The following EYS variants were observed in gnomAD, a reference collection of about 807,000 sequenced individuals.
EYS encodes EGF-like photoreceptor maintenance factor, also known as protein eyes shut homolog.
In EYS, 250 loss-of-function variants were observed where a neutral mutation model predicts 282.1. The observed-to-expected ratio is 0.89, with a 90% CI of 0.80 to 0.98. The LOEUF (loss-of-function observed/expected upper bound fraction) is 0.98. EYS is among the 50% of genes least tolerant of loss of function. EYS has a pLI of 0.00. For missense variants in EYS, 4,016 were observed against 3,709.0 expected (o/e 1.08, Z -2.15); for synonymous variants, 1,355 against 1,282.9 (o/e 1.06, Z -1.20).
Position 64,629,320 on chromosome 6 carries a change from C to T in EYS, c.3444-3075G>A, listed in dbSNP as rs536153407. Among the ~76,000 whole-genome samples the T allele has an allele frequency of 5.3e-5, 8 of 152,056 alleles. No homozygotes were observed. The South Asian group carries it at 6.2e-4, about 12-fold the overall frequency. On this transcript the variant is annotated intron_variant, in intron 22 of 42. Transcript: ENST00000503581. The stretch of plus-strand genomic sequence containing the variant: ...GAGGGAAGTTGCTTTGCACATCCCA[C>T]GCTTAAGAGATGAGAAGTCATGCAC...
At chr6:64,345,128 A>G (rs1022099328) in intron 29 of EYS, among the ~76,000 whole-genome samples, 12 of 152,156 alleles carry the variant, frequency 7.9e-5, no homozygotes, top group Middle Eastern at 3.4e-3. Flanking sequence ...TACTGCCCAA[A>G]GTAATTTATA....
intron 31 of EYS, among the ~76,000 whole-genome samples, chr6:64,103,433 A>C (rs1393825092): frequency 6.6e-6 from 1 of 152,188 alleles, no homozygotes; most frequent in African/African-American, 2.4e-5. Flanking sequence ...TTAGTCAATT[A>C]ACTACTTCAG....
At chr6:65,671,781 G>C (rs1768398151) in intron 1 of EYS, among the ~76,000 whole-genome samples, 2 of 152,102 alleles carry the variant, frequency 1.3e-5, no homozygotes, top group South Asian at 4.1e-4. Flanking sequence ...TCAGAAATGT[G>C]CAATCAGAAG....
intron 2 of EYS, among the ~76,000 whole-genome samples, chr6:65,594,247 T>G (rs1366189968): frequency 6.6e-6 from 1 of 151,966 alleles, no homozygotes; most frequent in Non-Finnish European, 1.5e-5. Context: ...CCTCACAATA[T>G]CCCTGTGAGA....
chr6:65,025,237 C>A (rs779233424), intron 13 of EYS, among the ~76,000 whole-genome samples: 2 of 152,144 alleles, frequency 1.3e-5, no homozygotes, highest in Non-Finnish European at 2.9e-5. Flanking sequence ...GTTCTGACTT[C>A]CCTCAAATCC....
chr6:64,013,751 T>C (rs1370511258), intron 33 of EYS, among the ~76,000 whole-genome samples: 1 of 152,154 alleles, frequency 6.6e-6, no homozygotes, highest in Non-Finnish European at 1.5e-5. Flanking sequence ...AGTATTCACT[T>C]AGAACAAGGG....
At position 65,269,003 on chromosome 6, in the gene EYS, A is replaced by C. The variant is rs186428566; in HGVS notation, c.2023+26860T>G. On this transcript the variant is annotated intron_variant, in intron 12 of 42. Coordinates refer to ENST00000503581, the MANE Select transcript of EYS (RefSeq NM_001142800.2). ...ATATTACAAATATTTAAAGAATAAA[A>C]AAATGAAGGCAAATATTATCTCCAA... 5.3e-5 allele frequency among the ~76,000 whole-genome samples: 8 copies of C among 152,280 alleles called. No individual in the cohort carries two copies. In the East Asian group the frequency reaches 1.4e-3, roughly 26 times the overall value.
At chr6:64,338,881 G>A (rs557014734) in intron 29 of EYS, among the ~76,000 whole-genome samples, 3 of 151,986 alleles carry the variant, frequency 2.0e-5, no homozygotes, top group East Asian at 3.9e-4. Flanking sequence ...CATAAAGCAG[G>A]GAAAGGACAC....
At chr6:65,576,845 G>C (rs771492477) in intron 2 of EYS, among the ~76,000 whole-genome samples, 34 of 151,218 alleles carry the variant, frequency 2.2e-4, no homozygotes, top group Admixed American at 1.3e-3. Flanking sequence ...AAATACTTAG[G>C]AATAAATTTA....
chr6:65,454,719 A>G (rs1301130260), intron 5 of EYS, among the ~76,000 whole-genome samples: 1 of 151,970 alleles, frequency 6.6e-6, no homozygotes, highest in African/African-American at 2.4e-5. Context: ...ATTCTTCTTC[A>G]TGTAAATATC....
intron 2 of EYS, among the ~76,000 whole-genome samples, chr6:65,623,310 T>A (rs1766587861): frequency 6.6e-6 from 1 of 152,166 alleles, no homozygotes; most frequent in Non-Finnish European, 1.5e-5. Flanking sequence ...ATGAAAAACA[T>A]TTTGCATATA....
intron 2 of EYS, among the ~76,000 whole-genome samples, chr6:65,599,430 C>T (rs919990428): frequency 3.9e-5 from 6 of 152,008 alleles, no homozygotes; most frequent in Non-Finnish European, 7.4e-5. Context: ...TGTTCTTCAT[C>T]TTGCTATCCC....
chr6:64,982,039 C>A (rs1478454933), intron 14 of EYS, among the ~76,000 whole-genome samples: 1 of 151,458 alleles, frequency 6.6e-6, no homozygotes, highest in Non-Finnish European at 1.5e-5. Context: ...CAAGAGAAAT[C>A]AAGAGAAGAG....
chr6:63,902,767 A>G (rs933167096), intron 35 of EYS, among the ~76,000 whole-genome samples: 15 of 150,762 alleles, frequency 9.9e-5, no homozygotes, highest in Non-Finnish European at 2.1e-4. Flanking sequence ...ATAGTATGCT[A>G]AAAATATTGA....
intron 13 of EYS, among the ~76,000 whole-genome samples, chr6:65,024,081 C>G (rs75660421): frequency 6.6e-6 from 1 of 152,042 alleles, no homozygotes; most frequent in Non-Finnish European, 1.5e-5. Flanking sequence ...TTTGTCATCA[C>G]TTTTTACAAA....
intron 31 of EYS, among the ~76,000 whole-genome samples, chr6:64,094,853 C>T (rs1421892468): frequency 6.6e-6 from 1 of 152,046 alleles, no homozygotes; most frequent in Non-Finnish European, 1.5e-5. Flanking sequence ...GTTAGGGTGT[C>T]AATTTTAGAT....
Position 64,651,716 on chromosome 6 carries a change from C to G in EYS, c.3444-25471G>C, listed in dbSNP as rs573510750. ...AAAAAAAAATTCATAAAATACATATCAGAGAAAAGTTCAATATTGTTATAA... is the reference window on the plus strand; with the variant it reads ...AAAAAAAAATTCATAAAATACATATGAGAGAAAAGTTCAATATTGTTATAA... On this transcript the variant is annotated intron_variant, in intron 22 of 42. Transcript: ENST00000503581. 2.0e-5 allele frequency among the ~76,000 whole-genome samples: 3 copies of G among 152,100 alleles called. No homozygotes were observed. In the East Asian group the frequency reaches 5.8e-4, roughly 29 times the overall value.
intron 12 of EYS, among the ~76,000 whole-genome samples, chr6:65,258,340 C>G (rs1029655293): frequency 1.3e-5 from 2 of 151,866 alleles, no homozygotes; most frequent in Non-Finnish European, 2.9e-5. Flanking sequence ...GTAATTTGAT[C>G]CAAAATTTCC....
chr6:64,230,710 CACAGAGGGTGCTGCA>C lies in EYS; in HGVS notation c.6291_6305del (p.Ala2098_Val2102del), dbSNP rs1410052836. 3.2e-6 allele frequency: 5 copies of C among 1,551,594 alleles called. No individual in the cohort carries two copies. The highest frequency in any genetic ancestry group is 1.2e-5 in the South Asian group (1 of 84,052). ...CATTGTGGCATACATCCTGCTGGCA[CACAGAGGGTGCTGCA>C]ACAGAGGGGCTGACAGAAGTCCACA... On this transcript the variant is annotated inframe_deletion, in exon 31 of 43. Transcript: ENST00000503581.
Sources: allele counts gnomAD v4.1 joint callset (sites outside exome capture counted in the v4.1 genomes callset), GRCh38; gene constraint gnomAD v4.1.1; transcripts MANE v1.5; gene names NCBI Gene and HGNC (gene_info 2026-07-23, HGNC 2026-07-21).